Variants in CD160 observed in about 807,000 individuals in gnomAD.
The protein encoded by CD160 is CD160 antigen.
A neutral mutation model predicts 19.2 loss-of-function variants in CD160; 11 were observed. The observed-to-expected ratio is 0.57, with a 90% confidence interval of 0.36 to 0.95. The LOEUF (loss-of-function observed/expected upper bound fraction) is 0.95, where lower values mean the gene tolerates loss of function less well. Among genes scored for constraint, CD160 ranks in the 40% least tolerant of loss-of-function variants. The probability of loss-of-function intolerance (pLI) is 0.01; values close to 1 mark genes in which losing one functional copy is unlikely to be tolerated. For synonymous variants in CD160, 75 were observed against 81.1 expected, an observed-to-expected ratio of 0.93 and a Z score of 0.40; for missense variants, 182 against 213.2, an observed-to-expected ratio of 0.85 and a Z score of 0.91.
At chr1:145,732,575 G>A (rs782503765) in intron 4 of CD160, among the ~76,000 whole-genome samples, 1 of 151,910 alleles carries the variant, frequency 6.6e-6, no homozygotes, top group African/African-American at 2.4e-5. Flanking sequence ...AAGAGAGCAA[G>A]AGAAAGACGA....
At chr1:145,736,168 A>C (rs1553710131) in intron 5 of CD160, 34 bp downstream of exon 5, 1 of 1,613,754 alleles carries the variant, frequency 6.2e-7, no homozygotes, top group Admixed American at 1.7e-5. Context: ...ACCCCAAGCA[A>C]TGAGGGTGCT....
At chr1:145,733,552 T>C (rs1657376013) in intron 4 of CD160, among the ~76,000 whole-genome samples, 1 of 152,230 alleles carries the variant, frequency 6.6e-6, no homozygotes, top group South Asian at 2.1e-4. Flanking sequence ...CTATGGTTCC[T>C]AGTTAATTCA....
intron 2 of CD160, among the ~76,000 whole-genome samples, chr1:145,727,943 C>A (rs1361367872): frequency 2.6e-5 from 4 of 152,136 alleles, no homozygotes; most frequent in African/African-American, 9.7e-5. Context: ...TTATCAACAG[C>A]CTTTTTGGAG....
chr1:145,736,016 G>A lies in CD160; in HGVS notation c.420G>A (p.Val140=), dbSNP rs1553710075. The A allele has an allele frequency of 6.2e-7, 1 of 1,613,304 alleles. No individual in the cohort carries two copies. The highest frequency in any genetic ancestry group is 8.5e-7 in the Non-Finnish European group (1 of 1,179,308). Residue 140 remains valine (V), a synonymous_variant, in exon 5 of 6, where the codon GTG becomes GTA. Coordinates refer to ENST00000369288, the MANE Select transcript of CD160 (RefSeq NM_007053.4). ...ILFTETGNYT[V]TGLKQRQHLE... ...AACCAGAGACAGGGAACTACACAGTGACGGGATTGAAACAAAGACAACACC... is the reference window on the plus strand; with the variant it reads ...AACCAGAGACAGGGAACTACACAGTAACGGGATTGAAACAAAGACAACACC...
intron 1 of CD160, among the ~76,000 whole-genome samples, chr1:145,722,577 T>TTAAG (rs1656895166): frequency 6.6e-6 from 1 of 152,096 alleles, no homozygotes; most frequent in Non-Finnish European, 1.5e-5. Flanking sequence ...CATGCAACTA[T>TTAAG]TAAGTTTTTT....
intron 2 of CD160, among the ~76,000 whole-genome samples, chr1:145,726,702 C>T (rs1397078122): frequency 6.6e-6 from 1 of 151,942 alleles, no homozygotes; most frequent in South Asian, 2.1e-4. Flanking sequence ...GCACATTGTG[C>T]ACATGTACCC....
intron 5 of CD160, chr1:145,737,148 G>C (rs782755790): frequency 4.0e-5 from 6 of 151,678 alleles, no homozygotes; most frequent in African/African-American, 9.7e-5. Context: ...GTAGTCCCAA[G>C]CTAAGGCATG....
intron 1 of CD160, among the ~76,000 whole-genome samples, chr1:145,722,230 G>T (rs782293073): frequency 6.6e-6 from 1 of 152,148 alleles, no homozygotes; most frequent in Admixed American, 6.5e-5. Context: ...CTTACTCTCT[G>T]CCAGGCACTG....
In CD160 at chr1:145,728,326, G is replaced by C. The variant is rs1553708642; in HGVS notation, c.-2G>C. ...TTCCTGGGCCTGCTGACAGCGTGCAGGATGCTGTTGGAACCCGGCAGAGGC... is the reference window on the plus strand; with the variant it reads ...TTCCTGGGCCTGCTGACAGCGTGCACGATGCTGTTGGAACCCGGCAGAGGC... On this transcript the variant is annotated 5_prime_UTR_variant, in exon 3 of 6. Transcript: ENST00000369288. 3.1e-6 allele frequency: 5 copies of C among 1,611,420 alleles called. No homozygotes were observed. In the South Asian group the frequency reaches 5.5e-5, roughly 18 times the overall value.
chr1:145,728,405 G>C lies in CD160; in HGVS notation c.73+5G>C, dbSNP rs922897308. On this transcript the variant is annotated splice_donor_5th_base_variant and intron_variant, in intron 3 of 5. Coordinates refer to ENST00000369288, the MANE Select transcript of CD160 (RefSeq NM_007053.4). ...TTGTGGACATCCAGTCTGGTGGTGA[G>C]GATAGACCCTAGAGCAGAGACGGCC... is the stretch of plus-strand genomic sequence containing the variant. The C allele has an allele frequency of 6.2e-7, 1 of 1,601,638 alleles. No individual in the cohort carries two copies. Among genetic ancestry groups the C allele is most frequent in the African/African-American group, 1.3e-5 (1 of 74,600 alleles).
chr1:145,730,839 G>A lies in CD160; in HGVS notation c.169G>A (p.Val57Ile). The A allele has an allele frequency of 6.2e-7, 1 of 1,614,160 alleles. No homozygotes were observed. The highest frequency in any genetic ancestry group is 2.2e-5 in the East Asian group (1 of 44,880). Residue 57 changes from valine to isoleucine, a missense_variant, in exon 4 of 6, where the codon GTA becomes ATA. Transcript: ENST00000369288. ...WHKKEEAEGF[V>I]VFLCKDRSGD... The stretch of plus-strand genomic sequence containing the variant: ...TAAGAAAGAAGAGGCTGAGGGGTTT[G>A]TAGTGTTTTTGTGCAAGGACAGGTC...
rs1657263342 is a variant in CD160 at position 145,730,920 on chromosome 1, GGGATAGATGGTGTTGGT to G, written c.252_268del (p.Ile85AsnfsTer60). 6.2e-7 allele frequency: 1 copy of G among 1,614,046 alleles called. No individual in the cohort carries two copies. On this transcript the variant is annotated frameshift_variant, in exon 4 of 6. Coordinates refer to ENST00000369288, the MANE Select transcript of CD160 (RefSeq NM_007053.4). LOFTEE classifies it high-confidence loss of function. The stretch of plus-strand genomic sequence containing the variant: ...ACAGCTGAGACTTAAAAGGGATCCT[GGGATAGATGGTGTTGGT>G]GAAATATCATCTCAGTTGATGTTCA...
rs1657596604 is a variant in CD160 at position 145,738,734 on chromosome 1, G to A, written c.*241G>A. ...CCTCCTAAGCTCCAGTAAATAAACA[G>A]AACAGCTTTCACCAAAGTGGGTAGT... On this transcript the variant is annotated 3_prime_UTR_variant, in exon 6 of 6. Transcript: ENST00000369288. 2.8e-6 allele frequency: 1 copy of A among 359,006 alleles called. No individual in the cohort carries two copies. Among genetic ancestry groups the A allele is most frequent in the East Asian group, 4.0e-5 (1 of 24,880 alleles). The allele number at this position is 359,006 out of a possible 1,614,324, so 22.2% of individuals were successfully genotyped here. A position where few individuals can be genotyped will look rare whatever the true frequency, so the allele number is the denominator to read the frequency against.
intron 5 of CD160, chr1:145,737,839 T>C (rs1553710422): frequency 2.0e-5 from 3 of 152,070 alleles, no homozygotes; most frequent in African/African-American, 7.2e-5. Flanking sequence ...AATTTTTTGT[T>C]TTCTCCTATA....
At chr1:145,728,216 C>T in intron 2 of CD160, 40 bp from the exon 3 acceptor site, 1 of 731,878 alleles carries the variant, frequency 1.4e-6, no homozygotes, top group Non-Finnish European at 2.4e-6. Context: ...GTCTTGGAAC[C>T]CTGGAAGGCT....
chr1:145,733,346 C>CCAG (rs1431403920), intron 4 of CD160, among the ~76,000 whole-genome samples: 4 of 152,120 alleles, frequency 2.6e-5, no homozygotes, highest in Non-Finnish European at 4.4e-5. Flanking sequence ...GCCATGACGG[C>CCAG]CAGGCTGGTC....
chr1:145,726,344 A>G (rs1419894728), intron 2 of CD160, among the ~76,000 whole-genome samples: 1 of 152,240 alleles, frequency 6.6e-6, no homozygotes, highest in Non-Finnish European at 1.5e-5. Flanking sequence ...ATGTCCATCA[A>G]TGATAGACTG....
At chr1:145,738,415 G>A in intron 5 of CD160, 71 bp from the exon 6 acceptor site, 1 of 1,070,896 alleles carries the variant, frequency 9.3e-7, no homozygotes, top group Admixed American at 3.1e-5. Flanking sequence ...GGACAGGTGA[G>A]ACTTCATTAT....
At chr1:145,721,378 G>A (rs1656842012) in intron 1 of CD160, among the ~76,000 whole-genome samples, 1 of 152,092 alleles carries the variant, frequency 6.6e-6, no homozygotes, top group Non-Finnish European at 1.5e-5. Context: ...GCGCTGCCCC[G>A]CCTGCATCAC....
Sources: allele counts gnomAD v4.1 joint callset (sites outside exome capture counted in the v4.1 genomes callset), GRCh38; gene constraint gnomAD v4.1.1; transcripts MANE v1.5; gene names NCBI Gene and HGNC (gene_info 2026-07-23, HGNC 2026-07-21).